The following NAF1 variants were observed in gnomAD, a reference collection of about 807,000 sequenced individuals.
NAF1 encodes H/ACA ribonucleoprotein complex non-core subunit NAF1.
In NAF1, 11 loss-of-function variants were observed where a neutral mutation model predicts 40.6. The observed-to-expected ratio is 0.27, with a 90% CI of 0.17 to 0.45. The LOEUF (loss-of-function observed/expected upper bound fraction) is 0.45, where lower values mean the gene tolerates loss of function less well. Among genes scored for constraint, NAF1 ranks in the 20% least tolerant of loss-of-function variants. The pLI is 1.00. For synonymous variants in NAF1, 260 were observed against 228.5 expected (o/e 1.14, Z -1.24); for missense variants, 607 against 611.1 (o/e 0.99, Z 0.07).
intron 2 of NAF1, among the ~76,000 whole-genome samples, chr4:163,160,552 A>C (rs191952710): frequency 9.1e-4 from 138 of 152,338 alleles, no homozygotes; most frequent in African/African-American, 3.1e-3. Flanking sequence ...CACAATGGAA[A>C]GATTTAAAGG....
downstream of NAF1, chr4:163,128,630 A>T (rs1730740421): frequency 1.5e-6 from 1 of 654,138 alleles, no homozygotes; most frequent in Non-Finnish European, 1.9e-6. Context: ...ATATAGTTTA[A>T]CTGGGTGGGG....
chr4:163,113,988 C>T (rs971656437), intron 2 of NAF1, among the ~76,000 whole-genome samples: 4 of 152,008 alleles, frequency 2.6e-5, no homozygotes, highest in Non-Finnish European at 4.4e-5. Context: ...AGCCAAGATT[C>T]GGTCAGAAAA....
chr4:163,151,941 G>A (rs1731726041), intron 2 of NAF1, among the ~76,000 whole-genome samples: 2 of 152,056 alleles, frequency 1.3e-5, no homozygotes, highest in South Asian at 4.1e-4. Flanking sequence ...GGTATTGCTT[G>A]AACATAAGAA....
At chr4:163,136,831 T>C (rs896416257) in intron 6 of NAF1, among the ~76,000 whole-genome samples, 5 of 152,216 alleles carry the variant, frequency 3.3e-5, no homozygotes, top group Admixed American at 3.3e-4. Flanking sequence ...CATGTCTTCA[T>C]GTCCCATATG....
intron 2 of NAF1, among the ~76,000 whole-genome samples, chr4:163,113,561 C>T (rs1174263360): frequency 6.6e-6 from 1 of 151,726 alleles, no homozygotes; most frequent in East Asian, 1.9e-4. Context: ...AGACTTCAAG[C>T]TTGGTTTTCA....
intron 2 of NAF1, among the ~76,000 whole-genome samples, chr4:163,161,942 G>A (rs369841017): frequency 5.9e-5 from 9 of 151,914 alleles, no homozygotes; most frequent in Middle Eastern, 3.4e-3. Context: ...CCACCCTCTC[G>A]CACTAGCCCA....
At position 163,166,508 on chromosome 4, in the gene NAF1, C is replaced by T; in HGVS notation, c.220G>A (p.Val74Ile). The change falls in exon 1 of 8, where the codon GTC (valine) becomes ATC (isoleucine). Residue 74 changes from valine (V) to isoleucine (I), a missense_variant. This residue lies in a region of NAF1 where 407 missense variants were observed against 365.5 expected (regional missense o/e 1.11). Coordinates refer to ENST00000274054, the MANE Select transcript of NAF1 (RefSeq NM_138386.3). ...EQPLQPVLNA[V>I]AAGTPAPQPQ... ...TGCGGCGCCGGGGTCCCGGCCGCGA[C>T]GGCGTTCAGAACGGGCTGCAGAGGC... 1 of 1,598,948 alleles carries T rather than the reference C, an allele frequency of 6.3e-7. No homozygotes were observed. The highest frequency in any genetic ancestry group is 8.5e-7 in the Non-Finnish European group (1 of 1,172,658).
At chr4:163,129,401 A>T in intron 7 of NAF1, 53 bp from the exon 8 acceptor site, 1 of 1,490,802 alleles carries the variant, frequency 6.7e-7, no homozygotes, top group Non-Finnish European at 9.1e-7. Flanking sequence ...TAATATATCA[A>T]AAAGCATTGT....
At chr4:163,117,273 A>G (rs946752648) in intron 2 of NAF1, among the ~76,000 whole-genome samples, 6 of 152,188 alleles carry the variant, frequency 3.9e-5, no homozygotes, top group African/African-American at 1.4e-4. Flanking sequence ...GTACAAACAT[A>G]TACTTGTATT....
At chr4:163,113,080 T>G (rs1215137872) in intron 2 of NAF1, among the ~76,000 whole-genome samples, 1 of 152,176 alleles carries the variant, frequency 6.6e-6, no homozygotes, top group African/African-American at 2.4e-5. Flanking sequence ...CCAGATTATT[T>G]AGAGACTTGT....
At chr4:163,107,303 A>C (rs1219651520), downstream of NAF1, among the ~76,000 whole-genome samples, 2 of 152,214 alleles carry the variant, frequency 1.3e-5, no homozygotes, top group African/African-American at 4.8e-5. Context: ...GACTCTTGCT[A>C]CTTACGTCAT....
chr4:163,127,016 G>A (rs773377399), downstream of NAF1: 12 of 1,551,476 alleles, frequency 7.7e-6, no homozygotes, highest in Non-Finnish European at 8.7e-6. Flanking sequence ...GCATGTAAAC[G>A]TAACTTTTAT....
At chr4:163,140,791 A>G (rs1490613787) in intron 4 of NAF1, among the ~76,000 whole-genome samples, 2 of 152,248 alleles carry the variant, frequency 1.3e-5, no homozygotes, top group Non-Finnish European at 2.9e-5. Context: ...GATGGGAAAT[A>G]TAAAAGCAAG....
chr4:163,112,973 T>G (rs1392959926), intron 2 of NAF1, among the ~76,000 whole-genome samples: 1 of 152,190 alleles, frequency 6.6e-6, no homozygotes, highest in Admixed American at 6.5e-5. Context: ...AGCATGAGTG[T>G]TGGGTTTTCT....
Position 163,115,363 on chromosome 4 carries a change from C to T in NAF1, c.115-5073G>A, listed in dbSNP as rs559913739. The stretch of plus-strand genomic sequence containing the variant: ...AGCTGGGACTACAGGCGCCCACCAC[C>T]GCGCCAGGCTAATTTTTTGTATTTT... On this transcript the variant is annotated intron_variant, in intron 2 of 2. Coordinates refer to the NAF1 transcript ENST00000509434. Among the ~76,000 whole-genome samples, 16 of 151,960 alleles carry T rather than the reference C, an allele frequency of 1.1e-4. No homozygotes were observed. The South Asian group carries it at 2.5e-3, about 24-fold the overall frequency.
rs200874707 is a variant in NAF1, at chr4:163,111,058, C to T, written c.115-768G>A. On this transcript the variant is annotated intron_variant, in intron 2 of 2. Transcript: ENST00000509434. ...GAAAACTCCTTACTAATTTATATCT[C>T]GCAAAAAAACTTTTTTGTAGATTTC... Among the ~76,000 whole-genome samples, 4 of 152,158 alleles carry T rather than the reference C, an allele frequency of 2.6e-5. No individual in the cohort carries two copies. The East Asian group carries it at 7.7e-4, about 29-fold the overall frequency.
At chr4:163,137,296 C>T (rs547304275) in intron 5 of NAF1, 46 bp from the exon 6 acceptor site, 34 of 1,568,744 alleles carry the variant, frequency 2.2e-5, no homozygotes, top group African/African-American at 6.9e-5. Context: ...CATCACAATT[C>T]TATTAAGTGC....
downstream of NAF1, among the ~76,000 whole-genome samples, chr4:163,109,522 A>G (rs1332757833): frequency 2.0e-5 from 3 of 152,142 alleles, no homozygotes; most frequent in African/African-American, 7.2e-5. Flanking sequence ...AAATATTTCA[A>G]TGTCTAGGAA....
intron 2 of NAF1, among the ~76,000 whole-genome samples, chr4:163,163,514 T>A (rs1732313811): frequency 6.6e-6 from 1 of 152,102 alleles, no homozygotes; most frequent in Admixed American, 6.5e-5. Context: ...AATGTGATAA[T>A]ATGGCCTACA....
Sources: allele counts gnomAD v4.1 joint callset (sites outside exome capture counted in the v4.1 genomes callset), GRCh38; gene constraint gnomAD v4.1.1; regional missense constraint gnomAD v4.1.1; transcripts MANE v1.5; gene names NCBI Gene and HGNC (gene_info 2026-07-23, HGNC 2026-07-21).